MYO7A: variants seen among roughly 807,000 people sequenced by gnomAD.
The protein encoded by MYO7A is myosin VIIA, also known as unconventional myosin-VIIa.
In MYO7A, 210 loss-of-function variants were observed where a neutral mutation model predicts 263.8. The ratio of observed to expected loss-of-function variants is 0.80; its 90% CI spans 0.71 to 0.89. The LOEUF (loss-of-function observed/expected upper bound fraction) is 0.89. Among genes scored for constraint, MYO7A ranks in the 40% least tolerant of loss-of-function variants. The probability of loss-of-function intolerance (pLI) is 0.00; values close to 1 mark genes in which losing one functional copy is unlikely to be tolerated. For synonymous variants in MYO7A, 1,239 were observed against 1,197.3 expected, an observed-to-expected ratio of 1.03 and a Z score of -0.72; for missense variants, 2,820 against 2,968.3, an observed-to-expected ratio of 0.95 and a Z score of 1.16.
rs1167983525 is a variant in MYO7A at position 77,207,327 on chromosome 11, C to T, written c.5781C>T (p.Phe1927=). The T allele has an allele frequency of 1.2e-6, 2 of 1,612,650 alleles. No homozygotes were observed. Among genetic ancestry groups the T allele is most frequent in the Admixed American group, 3.3e-5 (2 of 59,888 alleles). ...AGTCCAGCACCAAGGCCAAGGACTT[C>T]TGCCAGAACATCGCCACCAGGCTGC... ...EVESSTKAKD[F]CQNIATRLLL... Residue 1927 remains phenylalanine, a synonymous_variant, in exon 42 of 49, where the codon TTC becomes TTT. Transcript: ENST00000409709.
At chr11:77,171,854 C>G (rs1320729644) in intron 15 of MYO7A, among the ~76,000 whole-genome samples, 2 of 152,200 alleles carry the variant, frequency 1.3e-5, no homozygotes, top group Non-Finnish European at 2.9e-5. Flanking sequence ...AGGGCTTCCC[C>G]CACCTCATTT....
chr11:77,182,144 G>A lies in MYO7A; in HGVS notation c.3098G>A (p.Gly1033Asp), dbSNP rs914854773. ...KQPLLYHDDE[G>D]DQLAALAVWI... ...CCACTGCTCTACCATGACGACGAGGGTGACCAGCTGGTAAGGCCTGCCTGT... is the reference window on the plus strand; with the variant it reads ...CCACTGCTCTACCATGACGACGAGGATGACCAGCTGGTAAGGCCTGCCTGT... Residue 1033 changes from glycine to aspartate, a missense_variant, in exon 24 of 49, where the codon GGT (glycine) becomes GAT (aspartate). Transcript: ENST00000409709. The A allele has an allele frequency of 6.2e-7, 1 of 1,613,152 alleles. No individual in the cohort carries two copies. The highest frequency in any genetic ancestry group is 1.3e-5 in the African/African-American group (1 of 74,904).
chr11:77,133,226 T>C (rs898154850), intron 2 of MYO7A, among the ~76,000 whole-genome samples: 3 of 152,070 alleles, frequency 2.0e-5, no homozygotes, highest in Admixed American at 2.0e-4. Flanking sequence ...GGGACTGAGG[T>C]CTCTGGAAGA....
chr11:77,129,070 G>C (rs1555045325), intron 1 of MYO7A, among the ~76,000 whole-genome samples: 1 of 152,192 alleles, frequency 6.6e-6, no homozygotes, highest in Non-Finnish European at 1.5e-5. Context: ...TGTCTGTCTG[G>C]TCATTTTAAA....
Position 77,172,903 on chromosome 11 carries a change from G to A in MYO7A, c.1935+18G>A, listed in dbSNP as rs782249169. On this transcript the variant is annotated intron_variant, in intron 16 of 48. Coordinates refer to ENST00000409709, the MANE Select transcript of MYO7A (RefSeq NM_000260.4). The stretch of plus-strand genomic sequence containing the variant: ...AGCCCATGGTGAGTGGCCCTGGCCT[G>A]GGGTTGGCGGGTGGCGGCTAGGGTG... 1.3e-6 allele frequency: 2 copies of A among 1,540,140 alleles called. No homozygotes were observed. Among genetic ancestry groups the A allele is most frequent in the South Asian group, 2.4e-5 (2 of 83,594 alleles).
chr11:77,155,167 G>A (rs1483353191), intron 4 of MYO7A, among the ~76,000 whole-genome samples: 2 of 152,054 alleles, frequency 1.3e-5, no homozygotes, highest in African/African-American at 4.8e-5. Flanking sequence ...GGGCCAGGCT[G>A]TTGTCCCCTG....
intron 40 of MYO7A, 133 bp from the exon 41 acceptor site, chr11:77,205,963 AC>A: frequency 1.4e-6 from 1 of 735,900 alleles, no homozygotes; most frequent in Admixed American, 2.2e-5. Context: ...GCTCTGGGAG[AC>A]TCAGTGGCCG....
At chr11:77,196,074 G>T (rs1956640143) in intron 32 of MYO7A, among the ~76,000 whole-genome samples, 1 of 152,210 alleles carries the variant, frequency 6.6e-6, no homozygotes. Context: ...CCTCTTTAAA[G>T]ACCTTATCTC....
At chr11:77,199,870 CAGA>C in intron 35 of MYO7A, 52 bp downstream of exon 35, 1 of 1,488,608 alleles carries the variant, frequency 6.7e-7, no homozygotes, top group Non-Finnish European at 9.1e-7. Context: ...GGGTGTTATG[CAGA>C]CTGTCTTAGT....
intron 3 of MYO7A, among the ~76,000 whole-genome samples, chr11:77,146,471 G>A (rs143963977): frequency 6.6e-6 from 1 of 152,158 alleles, no homozygotes; most frequent in African/African-American, 2.4e-5. Flanking sequence ...CTCAATCAGG[G>A]TATGGGCTTG....
In MYO7A at chr11:77,171,245, T is replaced by TTG. The variant is rs140232157; in HGVS notation, c.1798-1486_1798-1485dup. Among the ~76,000 whole-genome samples, 89 of 150,468 alleles carry TTG rather than the reference T, an allele frequency of 5.9e-4. 1 individual carries two copies. Among genetic ancestry groups the TTG allele is most frequent in the African/African-American group, 1.5e-3 (61 of 41,284 alleles). On this transcript the variant is annotated intron_variant, in intron 15 of 48. Transcript: ENST00000409709. ...TGTGCATGCTGAGGTTGTGTGTGTGTTGTGTGTGTGTGTGTGTGCATGCGT... is the reference window on the plus strand; with the variant it reads ...TGTGCATGCTGAGGTTGTGTGTGTGTTGTGTGTGTGTGTGTGTGTGCATGCGT...
At chr11:77,144,827 G>A (rs74869997) in intron 3 of MYO7A, among the ~76,000 whole-genome samples, 2,793 of 152,296 alleles carry the variant, frequency 0.018, 71 homozygotes, top group African/African-American at 0.062. Flanking sequence ...CTTTGTCCAA[G>A]CCATTTCTGT....
intron 1 of MYO7A, 104 bp downstream of exon 1, chr11:77,128,593 T>A (rs548076403): frequency 6.5e-6 from 1 of 152,900 alleles, no homozygotes; most frequent in South Asian, 2.1e-4. Flanking sequence ...AGCCACTTGC[T>A]CCTGGGACTG....
intron 46 of MYO7A, chr11:77,212,186 G>A: frequency 3.2e-6 from 2 of 620,060 alleles, no homozygotes; most frequent in South Asian, 1.5e-5. Flanking sequence ...GGGTAATGGA[G>A]GATGGCCTGT....
At chr11:77,134,781 CTTTTT>C (rs34558738) in intron 2 of MYO7A, among the ~76,000 whole-genome samples, 5 of 124,576 alleles carry the variant, frequency 4.0e-5, no homozygotes, top group Admixed American at 1.7e-4. Context: ...TACCACTTAA[CTTTTT>C]TTTTTTTTTT....
At chr11:77,176,674 A>G (rs782626578) in intron 18 of MYO7A, among the ~76,000 whole-genome samples, 5 of 152,180 alleles carry the variant, frequency 3.3e-5, no homozygotes, top group African/African-American at 4.8e-5. Flanking sequence ...GAGGCCAAAC[A>G]TGCTCATTCA....
chr11:77,203,033 T>C (rs1324937052), intron 37 of MYO7A, 27 bp from the exon 38 acceptor site: 3 of 1,544,358 alleles, frequency 1.9e-6, no homozygotes, highest in Non-Finnish European at 2.6e-6. Context: ...CGATGGGGCG[T>C]TGCTGACGGT....
In MYO7A at chr11:77,179,912, G is replaced by C. The variant is rs782375445; in HGVS notation, c.2545G>C (p.Gly849Arg). The change falls in exon 21 of 49, where the codon GGC (glycine) becomes CGC (arginine). Residue 849 changes from glycine to arginine, a missense_variant. Gly to Arg is a moderately radical substitution (Grantham distance 125, BLOSUM62 -2). Coordinates refer to ENST00000409709, the MANE Select transcript of MYO7A (RefSeq NM_000260.4). ...GCTCACCGTGCAGGCCTATGCCCGGGGCATGATCGCCCGCAGGCTGCACCA... is the reference window on the plus strand; with the variant it reads ...GCTCACCGTGCAGGCCTATGCCCGGCGCATGATCGCCCGCAGGCTGCACCA... The part of the protein sequence containing the change: ...AVLTVQAYAR[G>R]MIARRLHQRL... 4 of 1,535,502 alleles carry C rather than the reference G, an allele frequency of 2.6e-6. No individual in the cohort carries two copies. The highest frequency in any genetic ancestry group is 3.5e-6 in the Non-Finnish European group (4 of 1,143,856).
In MYO7A at chr11:77,138,395, T is replaced by C. The variant is rs1165311535; in HGVS notation, c.19-4314T>C. On this transcript the variant is annotated intron_variant, in intron 2 of 48. Coordinates refer to ENST00000409709, the MANE Select transcript of MYO7A (RefSeq NM_000260.4). The surrounding 1 kb of genome is among the most constrained non-coding windows in gnomAD (Gnocchi z 4.9). The stretch of plus-strand genomic sequence containing the variant: ...CTGGTGCGCAGCCTGAACCAGGCGT[T>C]CAAGACCTACGCCGTCCTGCCGGTG... Among the ~76,000 whole-genome samples the C allele has an allele frequency of 6.6e-6, 1 of 151,992 alleles. No individual in the cohort carries two copies. Among genetic ancestry groups the C allele is most frequent in the Non-Finnish European group, 1.5e-5 (1 of 67,924 alleles).
Sources: gnomAD v4.1 joint callset for allele counts (sites outside exome capture counted in the v4.1 genomes callset) on GRCh38, gnomAD v4.1.1 for gene constraint, Gnocchi (gnomAD v3.1) non-coding constraint, MANE v1.5 for transcripts, NCBI Gene and HGNC (gene_info 2026-07-23, HGNC 2026-07-21) for gene names.